Variants in TMEM244 observed in about 807,000 individuals in gnomAD.
TMEM244 encodes the protein putative transmembrane protein 244.
TMEM244 carries 13 observed loss-of-function variants against 15.8 expected under a neutral mutation model. That is an observed-to-expected ratio of 0.82 (90% confidence interval 0.53 to 1.30). TMEM244 has a LOEUF of 1.30. Ranked by LOEUF, TMEM244 falls within the 50% of genes most tolerant of loss-of-function variation. TMEM244 has a pLI of 0.00. For synonymous variants in TMEM244, 45 were observed against 48.7 expected, an observed-to-expected ratio of 0.92 and a Z score of 0.32; for missense variants, 161 against 144.9, an observed-to-expected ratio of 1.11 and a Z score of -0.57.
chr6:129,858,503 T>C (rs1776750286), intron 1 of TMEM244, among the ~76,000 whole-genome samples: 1 of 152,166 alleles, frequency 6.6e-6, no homozygotes, highest in Non-Finnish European at 1.5e-5. Flanking sequence ...ATCTTCTCAC[T>C]CCACCCCTCA....
chr6:129,859,623 T>C (rs1362491714), intron 1 of TMEM244, among the ~76,000 whole-genome samples: 1 of 152,252 alleles, frequency 6.6e-6, no homozygotes, highest in Non-Finnish European at 1.5e-5. Context: ...CTGAACAGTT[T>C]AGCAGTCCTC....
chr6:129,859,672 C>T (rs902537854), intron 1 of TMEM244, among the ~76,000 whole-genome samples: 1 of 152,202 alleles, frequency 6.6e-6, no homozygotes, highest in African/African-American at 2.4e-5. Context: ...GCTATTTTCC[C>T]AGACAGCAAA....
chr6:129,852,405 T>C (rs1161426613), intron 1 of TMEM244, among the ~76,000 whole-genome samples: 1 of 152,140 alleles, frequency 6.6e-6, no homozygotes, highest in African/African-American at 2.4e-5. Context: ...TCTCCTTTAA[T>C]CCTCACAACA....
chr6:129,848,657 C>T (rs1482524710), intron 1 of TMEM244, among the ~76,000 whole-genome samples: 1 of 152,126 alleles, frequency 6.6e-6, no homozygotes, highest in Non-Finnish European at 1.5e-5. Context: ...TCAACTGGTT[C>T]AAATCTTCCC....
At chr6:129,846,006 C>T (rs945649393) in intron 1 of TMEM244, among the ~76,000 whole-genome samples, 154 bp from the exon 2 acceptor site, 2 of 152,122 alleles carry the variant, frequency 1.3e-5, no homozygotes, top group Non-Finnish European at 2.9e-5. Context: ...CTTCAAAGTG[C>T]CCATCTTGGA....
intron 3 of TMEM244, among the ~76,000 whole-genome samples, chr6:129,838,848 G>A (rs138179141): frequency 3.3e-5 from 5 of 152,188 alleles, no homozygotes; most frequent in Non-Finnish European, 4.4e-5. Context: ...ATAAATTCCT[G>A]GACACATACA....
At chr6:129,842,814 A>C (rs910315118) in intron 3 of TMEM244, among the ~76,000 whole-genome samples, 1 of 151,456 alleles carries the variant, frequency 6.6e-6, no homozygotes, top group Non-Finnish European at 1.5e-5. Context: ...GGGCAAACTC[A>C]CCATGAAGCT....
chr6:129,858,468 AT>A (rs1285000068), intron 1 of TMEM244, among the ~76,000 whole-genome samples: 1 of 152,140 alleles, frequency 6.6e-6, no homozygotes, highest in Non-Finnish European at 1.5e-5. Flanking sequence ...AAGTAGCTAT[AT>A]TCTCTAGGTC....
chr6:129,839,271 A>C (rs1233873401), intron 3 of TMEM244, among the ~76,000 whole-genome samples: 1 of 152,248 alleles, frequency 6.6e-6, no homozygotes, highest in Non-Finnish European at 1.5e-5. Flanking sequence ...AGGCTGGTTC[A>C]ACATATTCAA....
intron 1 of TMEM244, among the ~76,000 whole-genome samples, chr6:129,857,916 G>A (rs552188090): frequency 1.3e-5 from 2 of 151,296 alleles, no homozygotes; most frequent in Non-Finnish European, 2.9e-5. Context: ...TTTAAATCAG[G>A]AGTGGTTCAG....
intron 3 of TMEM244, among the ~76,000 whole-genome samples, chr6:129,837,653 C>T (rs1377190507): frequency 6.6e-6 from 1 of 152,146 alleles, no homozygotes; most frequent in Non-Finnish European, 1.5e-5. Flanking sequence ...AGTCAAGATC[C>T]ATCAGTGTGC....
intron 1 of TMEM244, among the ~76,000 whole-genome samples, chr6:129,851,561 C>G (rs934377712): frequency 6.6e-6 from 1 of 152,150 alleles, no homozygotes; most frequent in Non-Finnish European, 1.5e-5. Context: ...TGAGTCACTG[C>G]GCCTGGCCTG....
chr6:129,852,663 C>T (rs184949535), intron 1 of TMEM244, among the ~76,000 whole-genome samples: 1 of 152,278 alleles, frequency 6.6e-6, no homozygotes, highest in Admixed American at 6.5e-5. Flanking sequence ...AGGCAGGTAG[C>T]TATGCCTACT....
At chr6:129,843,459 TA>T in intron 3 of TMEM244, 70 bp downstream of exon 3, 1 of 1,081,068 alleles carries the variant, frequency 9.3e-7, no homozygotes, top group Admixed American at 2.3e-5. Context: ...AAAATTTTTT[TA>T]TTAAAAAATT....
At chr6:129,843,483 G>T in intron 3 of TMEM244, 47 bp downstream of exon 3, 2 of 1,327,126 alleles carry the variant, frequency 1.5e-6, no homozygotes, top group Non-Finnish European at 2.1e-6. Flanking sequence ...TGGGGTTAGT[G>T]GCATTTAGTT....
At chr6:129,844,085 T>C (rs1276299001) in intron 2 of TMEM244, among the ~76,000 whole-genome samples, 1 of 76,552 alleles carries the variant, frequency 1.3e-5, no homozygotes, top group East Asian at 2.2e-4. Flanking sequence ...ATTTTTGAAA[T>C]GTAATGTTGA....
intron 1 of TMEM244, among the ~76,000 whole-genome samples, chr6:129,859,310 T>C (rs2114649337): frequency 6.6e-6 from 1 of 152,360 alleles, no homozygotes; most frequent in South Asian, 2.1e-4. Context: ...TAATACTTTC[T>C]CTCTTACTTC....
chr6:129,836,567 G>A lies in TMEM244; in HGVS notation c.194-2982C>T, dbSNP rs371079348. ...GAGGGAACAAAACTGGGTGGAGAATGAGTTTGACGAGTTGACAGAAGTAGG... is the reference window on the plus strand; with the variant it reads ...GAGGGAACAAAACTGGGTGGAGAATAAGTTTGACGAGTTGACAGAAGTAGG... On this transcript the variant is annotated intron_variant, in intron 3 of 4. Transcript: ENST00000368143. Among the ~76,000 whole-genome samples, 228 of 152,320 alleles carry A rather than the reference G, an allele frequency of 1.5e-3. 1 individual carries two copies. The highest frequency in any genetic ancestry group is 5.2e-3 in the African/African-American group (217 of 41,570).
At chr6:129,835,764 G>A (rs1776395835) in intron 3 of TMEM244, among the ~76,000 whole-genome samples, 1 of 152,180 alleles carries the variant, frequency 6.6e-6, no homozygotes, top group African/African-American at 2.4e-5. Context: ...CCCATGCCTG[G>A]TTCGGCAGGT....
Sources: gnomAD v4.1 joint callset for allele counts (sites outside exome capture counted in the v4.1 genomes callset) on GRCh38, gnomAD v4.1.1 for gene constraint, MANE v1.5 for transcripts, NCBI Gene and HGNC (gene_info 2026-07-23, HGNC 2026-07-21) for gene names.